SPATA17: variants seen among roughly 807,000 people sequenced by gnomAD.
The protein encoded by SPATA17 is spermatogenesis-associated protein 17.
A neutral mutation model predicts 62.2 loss-of-function variants in SPATA17; 53 were observed. The ratio of observed to expected loss-of-function variants is 0.85; its 90% CI spans 0.68 to 1.07. The LOEUF (loss-of-function observed/expected upper bound fraction) is 1.07, where lower values mean the gene tolerates loss of function less well. Ranked by LOEUF, SPATA17 falls within the 50% of genes least tolerant of loss-of-function variation. The pLI is 0.00. For synonymous variants in SPATA17, 146 were observed against 146.8 expected, an observed-to-expected ratio of 0.99 and a Z score of 0.04; for missense variants, 466 against 425.5, an observed-to-expected ratio of 1.10 and a Z score of -0.84.
At chr1:217,747,695 T>C (rs1672797513) in intron 6 of SPATA17, among the ~76,000 whole-genome samples, 1 of 152,138 alleles carries the variant, frequency 6.6e-6, no homozygotes, top group Admixed American at 6.5e-5. Flanking sequence ...TTTACACATA[T>C]TGAAATTAAA....
At chr1:217,810,624 A>G (rs1188572847) in intron 9 of SPATA17, among the ~76,000 whole-genome samples, 2 of 152,148 alleles carry the variant, frequency 1.3e-5, no homozygotes, top group East Asian at 1.9e-4. Flanking sequence ...TCTCAAAAAA[A>G]AAAGAAAGAA....
chr1:217,758,879 G>A (rs1296818626), intron 6 of SPATA17, among the ~76,000 whole-genome samples: 1 of 152,236 alleles, frequency 6.6e-6, no homozygotes, highest in Non-Finnish European at 1.5e-5. Context: ...GATCTTTAAG[G>A]TTATATAATT....
intron 7 of SPATA17, among the ~76,000 whole-genome samples, chr1:217,780,286 G>T (rs1171493126): frequency 6.6e-6 from 1 of 151,992 alleles, no homozygotes; most frequent in Non-Finnish European, 1.5e-5. Context: ...ACTAACCAAG[G>T]AGCTGGAAGA....
At chr1:217,854,822 T>A (rs1675745879) in intron 9 of SPATA17, among the ~76,000 whole-genome samples, 1 of 152,202 alleles carries the variant, frequency 6.6e-6, no homozygotes, top group African/African-American at 2.4e-5. Flanking sequence ...AAGGATGTGC[T>A]ACTCCAGAAG....
At chr1:217,793,215 GTTTTTGTT>G (rs1223857097) in intron 8 of SPATA17, among the ~76,000 whole-genome samples, 1 of 114,598 alleles carries the variant, frequency 8.7e-6, no homozygotes, top group Non-Finnish European at 1.8e-5. Context: ...TAGGGCAGTG[GTTTTTGTT>G]TTTTTTTTTT....
intron 8 of SPATA17, among the ~76,000 whole-genome samples, chr1:217,789,880 CA>C (rs1179293211): frequency 6.6e-6 from 1 of 151,734 alleles, no homozygotes; most frequent in Admixed American, 6.6e-5. Context: ...ACTAAAAATA[CA>C]AAAAAATTAG....
chr1:217,807,006 T>C (rs1330757842), intron 9 of SPATA17, among the ~76,000 whole-genome samples: 1 of 152,132 alleles, frequency 6.6e-6, no homozygotes, highest in African/African-American at 2.4e-5. Flanking sequence ...CATACTTATC[T>C]TTGTGCTGCA....
chr1:217,799,201 A>G (rs1261188496), intron 8 of SPATA17, among the ~76,000 whole-genome samples: 2 of 152,174 alleles, frequency 1.3e-5, no homozygotes, highest in African/African-American at 2.4e-5. Context: ...TACAATTAAG[A>G]ATATGTATAT....
chr1:217,752,567 C>T (rs1350999732), intron 6 of SPATA17, among the ~76,000 whole-genome samples: 1 of 152,104 alleles, frequency 6.6e-6, no homozygotes, highest in East Asian at 1.9e-4. Context: ...CGCTTTTGTT[C>T]TGACAACATT....
intron 5 of SPATA17, among the ~76,000 whole-genome samples, chr1:217,722,354 A>T (rs988787659): frequency 2.0e-5 from 3 of 152,030 alleles, no homozygotes; most frequent in African/African-American, 7.2e-5. Context: ...AATTAGTAAA[A>T]ATTTTATTAA....
intron 5 of SPATA17, among the ~76,000 whole-genome samples, chr1:217,727,513 T>C (rs1293723074): frequency 6.6e-6 from 1 of 152,078 alleles, no homozygotes; most frequent in Admixed American, 6.6e-5. Context: ...ATTGCATAAA[T>C]TTTTGAAAGC....
chr1:217,807,256 G>GGGGA (rs532295755), intron 9 of SPATA17, among the ~76,000 whole-genome samples: 2 of 151,916 alleles, frequency 1.3e-5, no homozygotes, highest in African/African-American at 2.4e-5. Context: ...CTCCAAAAGA[G>GGGGA]GGGAGGGAGG....
chr1:217,816,386 G>T (rs1438334466), intron 9 of SPATA17, among the ~76,000 whole-genome samples: 1 of 150,882 alleles, frequency 6.6e-6, no homozygotes. Context: ...ATGTTTTAAT[G>T]GTTGCTTTAT....
At chr1:217,718,689 G>GAAGAAGAAGAAGAAGA (rs1363625559) in intron 5 of SPATA17, among the ~76,000 whole-genome samples, 8 of 151,922 alleles carry the variant, frequency 5.3e-5, no homozygotes, top group Non-Finnish European at 1.2e-4. Context: ...TGAGAAGTAG[G>GAAGAAGAAGAAGAAGA]AAGAAGAAGA....
intron 6 of SPATA17, among the ~76,000 whole-genome samples, chr1:217,749,977 C>CTATATATATATATA (rs1418795091): frequency 4.2e-4 from 15 of 35,660 alleles, no homozygotes; most frequent in South Asian, 7.5e-4. Context: ...CTCTCTCTCT[C>CTATATATATATATA]TCTCTCTCTA....
intron 6 of SPATA17, among the ~76,000 whole-genome samples, chr1:217,754,477 A>G (rs746954021): frequency 6.6e-6 from 1 of 152,090 alleles, no homozygotes; most frequent in Non-Finnish European, 1.5e-5. Context: ...TTAAATTTTT[A>G]TTTCTCTTAC....
intron 7 of SPATA17, among the ~76,000 whole-genome samples, chr1:217,778,079 A>C (rs1673638073): frequency 6.6e-6 from 1 of 152,166 alleles, no homozygotes; most frequent in South Asian, 2.1e-4. Context: ...AAGCAATTAA[A>C]TTTATTAATT....
intron 5 of SPATA17, among the ~76,000 whole-genome samples, chr1:217,719,726 T>C (rs1033356557): frequency 6.6e-6 from 1 of 152,168 alleles, no homozygotes; most frequent in African/African-American, 2.4e-5. Flanking sequence ...ATAGTAAATA[T>C]TGGGAGAAGT....
intron 9 of SPATA17, among the ~76,000 whole-genome samples, chr1:217,827,008 G>T (rs1255874685): frequency 6.6e-6 from 1 of 151,832 alleles, no homozygotes; most frequent in Non-Finnish European, 1.5e-5. Flanking sequence ...TCTTTTTCTA[G>T]TCTACTGGTA....
Sources: gnomAD v4.1 joint callset for allele counts (sites outside exome capture counted in the v4.1 genomes callset) on GRCh38, gnomAD v4.1.1 for gene constraint, MANE v1.5 for transcripts, NCBI Gene and HGNC (gene_info 2026-07-23, HGNC 2026-07-21) for gene names.